The following CXADR variants were observed in gnomAD, a reference collection of about 807,000 sequenced individuals.
CXADR encodes CXADR cell adhesion molecule.
In CXADR, 20 loss-of-function variants were observed where a neutral mutation model predicts 40.3. The observed-to-expected ratio is 0.50, with a 90% CI of 0.35 to 0.72. The LOEUF is 0.72. Among genes scored for constraint, CXADR ranks in the 30% least tolerant of loss-of-function variants. The probability of loss-of-function intolerance (pLI) is 0.01; values close to 1 mark genes in which losing one functional copy is unlikely to be tolerated. For synonymous variants in CXADR, 150 were observed against 161.3 expected, an observed-to-expected ratio of 0.93 and a Z score of 0.53; for missense variants, 332 against 449.1, an observed-to-expected ratio of 0.74 and a Z score of 2.36.
At chr21:17,604,766 C>G in the CXADR span, 1 of 1,407,826 alleles carries the variant, frequency 7.1e-7, no homozygotes, top group Non-Finnish European at 9.4e-7. Context: ...CAGCTCCTGG[C>G]CATAAAGATA....
At chr21:17,596,284 ATTTT>A (rs1395120669), downstream of CXADR, among the ~76,000 whole-genome samples, 2 of 152,024 alleles carry the variant, frequency 1.3e-5, no homozygotes, top group Non-Finnish European at 2.9e-5. Context: ...AAGATGATTA[ATTTT>A]GATGAAGTCC....
At chr21:17,598,874 C>CA in the CXADR span, 1 of 1,440,956 alleles carries the variant, frequency 6.9e-7, no homozygotes, top group Admixed American at 2.1e-5. Flanking sequence ...ATCAGCAAAG[C>CA]AAAAAATGTC....
At chr21:17,532,363 C>T (rs1340701809) in intron 1 of CXADR, among the ~76,000 whole-genome samples, 2 of 152,092 alleles carry the variant, frequency 1.3e-5, no homozygotes, top group Non-Finnish European at 2.9e-5. Flanking sequence ...TCAATGTTTC[C>T]CATTTCAAAA....
intron 1 of CXADR, among the ~76,000 whole-genome samples, chr21:17,522,317 T>G (rs566855569): frequency 1.7e-5 from 2 of 119,944 alleles, no homozygotes; most frequent in African/African-American, 7.6e-5. Flanking sequence ...CCTGGGTAAT[T>G]TTGTATTTTT....
chr21:17,562,887 G>A (rs2061143837), intron 6 of CXADR, among the ~76,000 whole-genome samples: 1 of 152,166 alleles, frequency 6.6e-6, no homozygotes, highest in African/African-American at 2.4e-5. Context: ...AGCCTTGATA[G>A]AATTGAATAG....
rs1167632387 is a variant in CXADR at position 17,568,265 on chromosome 21, A to G, written c.*2573A>G. On this transcript the variant is annotated 3_prime_UTR_variant, in exon 7 of 7. Transcript: ENST00000284878. ...TGCCTCAGCCTCCCGAGCAGCTGGG[A>G]CTACAGGCTCCCATCACCACGCTCG... 4.9e-6 allele frequency: 4 copies of G among 821,678 alleles called. No homozygotes were observed. The highest frequency in any genetic ancestry group is 1.3e-4 in the Admixed American group (2 of 15,936). 50.9% of individuals were successfully genotyped at this position (821,678 alleles called of 1,614,324 possible). A position where few individuals can be genotyped will look rare whatever the true frequency, so the allele number is the denominator to read the frequency against.
intron 6 of CXADR, among the ~76,000 whole-genome samples, chr21:17,563,094 G>A (rs1183392487): frequency 6.6e-6 from 1 of 152,176 alleles, no homozygotes; most frequent in African/African-American, 2.4e-5. Context: ...TGGTTTGGCT[G>A]TTTGGTGCAA....
chr21:17,578,815 C>T (rs116349484), intron 7 of CXADR, among the ~76,000 whole-genome samples: 2 of 152,148 alleles, frequency 1.3e-5, no homozygotes, highest in African/African-American at 4.8e-5. Flanking sequence ...GAGCAAAAGA[C>T]CTTGTCTTCA....
the CXADR span, among the ~76,000 whole-genome samples, chr21:17,620,276 T>C: frequency 6.6e-6 from 1 of 152,192 alleles, no homozygotes; most frequent in South Asian, 2.1e-4. Context: ...TGTAGGGTTA[T>C]TAATTGGCCT....
At chr21:17,560,483 C>T (rs188899214) in intron 4 of CXADR, among the ~76,000 whole-genome samples, 411 of 152,272 alleles carry the variant, frequency 2.7e-3, no homozygotes, top group Non-Finnish European at 4.6e-3. Flanking sequence ...CTGTGTGCTG[C>T]AGGGGATCAT....
intron 7 of CXADR, among the ~76,000 whole-genome samples, chr21:17,576,589 A>T (rs1319198266): frequency 6.6e-6 from 1 of 152,122 alleles, no homozygotes; most frequent in African/African-American, 2.4e-5. Context: ...GGGTAGATTT[A>T]TGTCTGTTAC....
chr21:17,611,607 G>C, the CXADR span: 1 of 152,300 alleles, frequency 6.6e-6, no homozygotes, highest in Admixed American at 6.5e-5. Context: ...GAGGCAAGCA[G>C]GGCCAAGAAG....
intron 5 of CXADR, among the ~76,000 whole-genome samples, 161 bp from the exon 6 acceptor site, chr21:17,561,177 G>A (rs1355395434): frequency 6.6e-6 from 1 of 152,042 alleles, no homozygotes; most frequent in East Asian, 1.9e-4. Context: ...CAGTTCAGAA[G>A]ACAGTTCTTT....
intron 1 of CXADR, among the ~76,000 whole-genome samples, chr21:17,517,731 G>A (rs1287869163): frequency 6.6e-6 from 1 of 152,126 alleles, no homozygotes; most frequent in Non-Finnish European, 1.5e-5. Context: ...TACAAAAGGT[G>A]GGATTAGGCA....
rs763343671 is a variant in CXADR, at chr21:17,565,653, G to A, written c.1059G>A (p.Val353=). The A allele has an allele frequency of 8.1e-6, 13 of 1,612,012 alleles. No individual in the cohort carries two copies. In the South Asian group the frequency reaches 1.3e-4, roughly 16 times the overall value. ...TAAGTCGAATGGGTGCGATTCCTGT[G>A]ATGATTCCAGCACAGAGCAAGGATG... ...PNLSRMGAIP[V]MIPAQSKDGS... Residue 353 remains valine, a synonymous_variant, in exon 7 of 7, where the codon GTG becomes GTA. Coordinates refer to ENST00000284878, the MANE Select transcript of CXADR (RefSeq NM_001338.5).
rs1361890903 is a variant in CXADR at position 17,547,142 on chromosome 21, G to A, written c.159G>A (p.Leu53=). 1.5e-5 allele frequency: 25 copies of A among 1,614,048 alleles called. No homozygotes were observed. Among genetic ancestry groups the A allele is most frequent in the Non-Finnish European group, 2.1e-5 (25 of 1,180,034 alleles). The stretch of plus-strand genomic sequence containing the variant: ...TTAGTCCCGAAGACCAGGGACCGCT[G>A]GACATCGAGTGGCTGATATCACCAG... ...FTLSPEDQGP[L]DIEWLISPAD... Residue 53 remains leucine, a synonymous_variant, in exon 2 of 7, where the codon CTG becomes CTA. Coordinates refer to ENST00000284878, the MANE Select transcript of CXADR (RefSeq NM_001338.5).
At chr21:17,605,544 AC>A in the CXADR span, among the ~76,000 whole-genome samples, 2 of 152,178 alleles carry the variant, frequency 1.3e-5, no homozygotes, top group East Asian at 3.9e-4. Context: ...CATATCATAT[AC>A]TTATGATTAA....
At position 17,582,704 on chromosome 21, in the gene CXADR, AAC is replaced by A. The variant is rs1272013733; in HGVS notation, c.1018-10446_1018-10445del. ...AAGCCATTGCTGCATGTATCGCCAT[AAC>A]AGTGTGTCTCCTTGATTTATCTTTG... On this transcript the variant is annotated intron_variant, in intron 7 of 7. Transcript: ENST00000400169. Among the ~76,000 whole-genome samples the A allele has an allele frequency of 3.3e-5, 5 of 152,368 alleles. No homozygotes were observed. In the East Asian group the frequency reaches 7.7e-4, roughly 23 times the overall value.
rs11427595 is a variant in CXADR at position 17,534,789 on chromosome 21, C to CTTTTTTTTTTTT, written c.44-12235_44-12224dup. Among the ~76,000 whole-genome samples, 934 of 131,634 alleles carry CTTTTTTTTTTTT rather than the reference C, an allele frequency of 7.1e-3. 56 individuals carry two copies. In the East Asian group the frequency reaches 0.094, roughly 13 times the overall value. 86.4% of individuals were successfully genotyped at this position (131,634 alleles called of 152,430 possible). On this transcript the variant is annotated intron_variant, in intron 1 of 6. Coordinates refer to ENST00000284878, the MANE Select transcript of CXADR (RefSeq NM_001338.5). ...CTGATTTGTCTAACTTATTTTCTTC[C>CTTTTTTTTTTTT]TTTTTTTTTTTTTTGAGAAGGACTC...
Sources: allele counts gnomAD v4.1 joint callset (sites outside exome capture counted in the v4.1 genomes callset), GRCh38; gene constraint gnomAD v4.1.1; transcripts MANE v1.5; gene names NCBI Gene and HGNC (gene_info 2026-07-23, HGNC 2026-07-21).